The following SARDH variants were observed in gnomAD, a reference collection of about 807,000 sequenced individuals.
The protein encoded by SARDH is sarcosine dehydrogenase, also known as sarcosine dehydrogenase, mitochondrial.
SARDH carries 95 observed loss-of-function variants against 109.1 expected under a neutral mutation model. The observed-to-expected ratio is 0.87, with a 90% CI of 0.74 to 1.03. The LOEUF is 1.03. Ranked by LOEUF, SARDH falls within the 50% of genes least tolerant of loss-of-function variation. The pLI is 0.00. For missense variants in SARDH, 1,267 were observed against 1,287.8 expected (o/e 0.98, Z 0.25); for synonymous variants, 572 against 534.8 (o/e 1.07, Z -0.96).
intron 13 of SARDH, among the ~76,000 whole-genome samples, chr9:133,700,561 G>A (rs973403956): frequency 2.0e-5 from 3 of 152,066 alleles, no homozygotes; most frequent in Non-Finnish European, 4.4e-5. Context: ...GTGAGGTGTG[G>A]GGTATCTTTT....
intron 20 of SARDH, among the ~76,000 whole-genome samples, chr9:133,664,805 A>C (rs1194678884): frequency 6.6e-6 from 1 of 152,146 alleles, no homozygotes; most frequent in Non-Finnish European, 1.5e-5. Context: ...GGTGCTTCTG[A>C]GCCATGTGTG....
intron 17 of SARDH, among the ~76,000 whole-genome samples, chr9:133,673,891 G>A (rs1830433045): frequency 6.6e-6 from 1 of 152,208 alleles, no homozygotes; most frequent in Non-Finnish European, 1.5e-5. Context: ...GAGTTCACGG[G>A]TGGAAGGGAG....
At chr9:133,665,729 G>T (rs1287860659) in intron 20 of SARDH, among the ~76,000 whole-genome samples, 1 of 152,200 alleles carries the variant, frequency 6.6e-6, no homozygotes, top group Non-Finnish European at 1.5e-5. Context: ...CATTGGGCCT[G>T]CGAGCTGGGC....
chr9:133,688,969 C>G (rs129961), intron 16 of SARDH, among the ~76,000 whole-genome samples: 1 of 152,212 alleles, frequency 6.6e-6, no homozygotes, highest in African/African-American at 2.4e-5. Flanking sequence ...CTTGGACGGA[C>G]AGCAACAGCT....
chr9:133,734,013 ACCGAGGTGC>A lies in SARDH; in HGVS notation c.152_160del (p.Gly51_Ser53del). 1 of 1,613,106 alleles carries A rather than the reference ACCGAGGTGC, an allele frequency of 6.2e-7. No homozygotes were observed. Among genetic ancestry groups the A allele is most frequent in the South Asian group, 1.1e-5 (1 of 91,058 alleles). On this transcript the variant is annotated inframe_deletion, in exon 2 of 21. Transcript: ENST00000439388. ...GGGCCGGCTTGGGCCTTGGGCCACC[ACCGAGGTGC>A]CCTGTCCCTCCTTCAGGGTCCGCTG...
At position 133,667,033 on chromosome 9, in the gene SARDH, C is replaced by T. The variant is rs548442778; in HGVS notation, c.2496-163G>A. 8 of 872,162 alleles carry T rather than the reference C, an allele frequency of 9.2e-6. No homozygotes were observed. In the African/African-American group the frequency reaches 1.2e-4, roughly 13 times the overall value. 54.0% of individuals were successfully genotyped at this position (872,162 alleles called of 1,614,324 possible). Reference sequence around the variant, plus strand: ...GACTACGCTGGTCCCCAGAGCCAGCCCAGCACCTGGCCTGGACAGCAGGGC... The same window carrying T: ...GACTACGCTGGTCCCCAGAGCCAGCTCAGCACCTGGCCTGGACAGCAGGGC... On this transcript the variant is annotated intron_variant, in intron 19 of 20. Coordinates refer to ENST00000439388, the MANE Select transcript of SARDH (RefSeq NM_001134707.2).
At position 133,666,379 on chromosome 9, in the gene SARDH, AT is replaced by A. The variant is rs1220315641; in HGVS notation, c.2631+355del. Among the ~76,000 whole-genome samples the A allele has an allele frequency of 2.0e-5, 3 of 152,106 alleles. No individual in the cohort carries two copies. Among genetic ancestry groups the A allele is most frequent in the Non-Finnish European group, 4.4e-5 (3 of 68,004 alleles). ...TCCTTCTAACCAAAAAAAGCCTGGA[AT>A]CACCAAAGTCGGATTCTTCCAGAAA... On this transcript the variant is annotated intron_variant, in intron 20 of 20. Coordinates refer to ENST00000439388, the MANE Select transcript of SARDH (RefSeq NM_001134707.2). The surrounding 1 kb of genome is among the most constrained non-coding windows in gnomAD (Gnocchi z 5.2).
chr9:133,705,744 C>T (rs985031994), intron 11 of SARDH, among the ~76,000 whole-genome samples: 1 of 152,212 alleles, frequency 6.6e-6, no homozygotes, highest in African/African-American at 2.4e-5. Context: ...TGGACGGAAT[C>T]ACATCCCCAC....
intron 8 of SARDH, among the ~76,000 whole-genome samples, chr9:133,714,921 A>G (rs1012796395): frequency 3.9e-5 from 6 of 152,188 alleles, no homozygotes; most frequent in African/African-American, 1.4e-4. Context: ...GGGGAGCGCT[A>G]TCAAGAGCTA....
At chr9:133,700,744 C>T (rs576512721) in intron 13 of SARDH, among the ~76,000 whole-genome samples, 143 of 152,246 alleles carry the variant, frequency 9.4e-4, no homozygotes, top group African/African-American at 3.4e-3. Context: ...CGCGCACACA[C>T]ACACACACAT....
intron 6 of SARDH, among the ~76,000 whole-genome samples, chr9:133,726,014 G>A (rs1327364325): frequency 6.6e-6 from 1 of 152,172 alleles, no homozygotes; most frequent in Non-Finnish European, 1.5e-5. Flanking sequence ...ATTGGAATGA[G>A]AATATCTGCA....
intron 6 of SARDH, among the ~76,000 whole-genome samples, chr9:133,722,642 GCTCTCTCTCTCTCT>G (rs56179331): frequency 0.2 from 29,091 of 145,822 alleles, 2,923 homozygotes; most frequent in Middle Eastern, 0.26. Context: ...AACTACTAGC[GCTCTCTCTCTCTCT>G]CTCTCTCTCT....
In SARDH at chr9:133,666,082, G is replaced by A. The variant is rs1047785023; in HGVS notation, c.2631+653C>T. Among the ~76,000 whole-genome samples, 1 of 152,214 alleles carries A rather than the reference G, an allele frequency of 6.6e-6. No individual in the cohort carries two copies. Among genetic ancestry groups the A allele is most frequent in the Non-Finnish European group, 1.5e-5 (1 of 68,036 alleles). On this transcript the variant is annotated intron_variant, in intron 20 of 20. Transcript: ENST00000439388. The surrounding 1 kb of genome is among the most constrained non-coding windows in gnomAD (Gnocchi z 5.2). ...ACCCCTGGCCACCCAGAGCTGTCCT[G>A]GGACTTGCTCCTGGGGGCAGTGCCT... is the stretch of plus-strand genomic sequence containing the variant.
chr9:133,692,852 C>T lies in SARDH; in HGVS notation c.1921+1406G>A, dbSNP rs1831150717. Among the ~76,000 whole-genome samples, 1 of 152,166 alleles carries T rather than the reference C, an allele frequency of 6.6e-6. No homozygotes were observed. The highest frequency in any genetic ancestry group is 2.4e-5 in the African/African-American group (1 of 41,442). On this transcript the variant is annotated intron_variant, in intron 15 of 20. Transcript: ENST00000439388. The surrounding 1 kb of genome is among the most constrained non-coding windows in gnomAD (Gnocchi z 5.0). ...CCCATGGCTCCCTCAGCCTCCACGT[C>T]GCCAACGGCAGGAGGGAAGGGGTGG... is the stretch of plus-strand genomic sequence containing the variant.
chr9:133,687,507 C>T (rs1443423552), intron 16 of SARDH, among the ~76,000 whole-genome samples: 1 of 152,070 alleles, frequency 6.6e-6, no homozygotes, highest in Non-Finnish European at 1.5e-5. Context: ...TCTCAAACTC[C>T]CGGACTCAAG....
At chr9:133,690,250 C>G in intron 16 of SARDH, 130 bp downstream of exon 16, 1 of 999,066 alleles carries the variant, frequency 1.0e-6, no homozygotes, top group South Asian at 1.7e-5. Flanking sequence ...AATGGCATCT[C>G]TGGTTTACCA....
chr9:133,700,511 G>C (rs1831442790), intron 13 of SARDH, among the ~76,000 whole-genome samples: 1 of 152,154 alleles, frequency 6.6e-6, no homozygotes, highest in African/African-American at 2.4e-5. Flanking sequence ...TATCTACAGA[G>C]AGAGAAAGTA....
intron 13 of SARDH, among the ~76,000 whole-genome samples, chr9:133,699,859 G>A (rs1438051315): frequency 1.3e-5 from 2 of 152,180 alleles, no homozygotes; most frequent in African/African-American, 2.4e-5. Context: ...CCCAGGCCTC[G>A]TTATATACCC....
At chr9:133,713,863 C>T (rs1468129674) in intron 8 of SARDH, among the ~76,000 whole-genome samples, 3 of 152,232 alleles carry the variant, frequency 2.0e-5, no homozygotes, top group African/African-American at 7.2e-5. Flanking sequence ...CAGAGCTGTG[C>T]GCTCGCCAGC....
Sources: allele counts gnomAD v4.1 joint callset (sites outside exome capture counted in the v4.1 genomes callset), GRCh38; gene constraint gnomAD v4.1.1; non-coding constraint Gnocchi (gnomAD v3.1); transcripts MANE v1.5; gene names NCBI Gene and HGNC (gene_info 2026-07-23, HGNC 2026-07-21).